SUPT5H: variants seen among roughly 807,000 people sequenced by gnomAD.
The protein encoded by SUPT5H is transcription elongation factor SPT5.
SUPT5H carries 24 observed loss-of-function variants against 142.5 expected under a neutral mutation model. That is an observed-to-expected ratio of 0.17 (90% confidence interval 0.12 to 0.24). The LOEUF (loss-of-function observed/expected upper bound fraction) is 0.24. Ranked by LOEUF, SUPT5H falls within the 10% of genes least tolerant of loss-of-function variation. The probability of loss-of-function intolerance (pLI) is 1.00; values close to 1 mark genes in which losing one functional copy is unlikely to be tolerated. For missense variants in SUPT5H, 893 were observed against 1,471.8 expected (o/e 0.61, Z 6.43); for synonymous variants, 546 against 553.0 (o/e 0.99, Z 0.18).
At position 39,449,447 on chromosome 19, in the gene SUPT5H, T is replaced by G. The variant is rs555688613; in HGVS notation, c.75+3482T>G. 6.6e-5 allele frequency among the ~76,000 whole-genome samples: 10 copies of G among 152,280 alleles called. 1 individual carries two copies. In the South Asian group the frequency reaches 2.1e-3, roughly 32 times the overall value. On this transcript the variant is annotated intron_variant, in intron 2 of 29. Coordinates refer to ENST00000432763, the MANE Select transcript of SUPT5H (RefSeq NM_001111020.3). ...GTGTTAAGCAAATATTTCTGAAGTCTTCTGTGCTTGGCCTTGGGCTGGGTG... is the reference window on the plus strand; with the variant it reads ...GTGTTAAGCAAATATTTCTGAAGTCGTCTGTGCTTGGCCTTGGGCTGGGTG...
intron 10 of SUPT5H, among the ~76,000 whole-genome samples, chr19:39,464,415 A>G (rs1186837674): frequency 2.0e-5 from 3 of 151,890 alleles, no homozygotes; most frequent in Admixed American, 2.0e-4. Context: ...GCTGGAGTGC[A>G]GTGGTGCGAT....
At chr19:39,446,126 A>G (rs996591447) in intron 2 of SUPT5H, among the ~76,000 whole-genome samples, 161 bp downstream of exon 2, 4 of 152,196 alleles carry the variant, frequency 2.6e-5, no homozygotes, top group African/African-American at 4.8e-5. Flanking sequence ...AAGTCAAGCA[A>G]AGGGACAGGT....
intron 8 of SUPT5H, 114 bp from the exon 9 acceptor site, chr19:39,459,445 A>T: frequency 7.0e-7 from 1 of 1,426,658 alleles, no homozygotes; most frequent in Non-Finnish European, 9.8e-7. Flanking sequence ...GAAGTCAGTG[A>T]GTGTGAGGGA....
rs532131934 is a variant in SUPT5H at position 39,476,423 on chromosome 19, G to A, written c.*24G>A. ...GAAGCAGGCAGGGCCGGTGGACTTC[G>A]TCGGATGAAGAGTGATCCTCCTTCC... is the stretch of plus-strand genomic sequence containing the variant. On this transcript the variant is annotated 3_prime_UTR_variant, in exon 30 of 30. Transcript: ENST00000432763. 10 of 1,613,200 alleles carry A rather than the reference G, an allele frequency of 6.2e-6. No individual in the cohort carries two copies. In the East Asian group the frequency reaches 1.1e-4, roughly 18 times the overall value.
At chr19:39,449,076 C>G (rs201187351) in intron 2 of SUPT5H, among the ~76,000 whole-genome samples, 1 of 104,438 alleles carries the variant, frequency 9.6e-6, no homozygotes, top group African/African-American at 3.3e-5. Flanking sequence ...GGAGACAGAG[C>G]GAGACTGCAT....
intron 3 of SUPT5H, among the ~76,000 whole-genome samples, chr19:39,455,968 C>T (rs1489657269): frequency 1.4e-5 from 2 of 148,032 alleles, no homozygotes; most frequent in Admixed American, 6.8e-5. Context: ...TTTCTCTTGC[C>T]CACCCTGGAG....
chr19:39,473,354 AAG>A lies in SUPT5H; in HGVS notation c.2386+27_2386+28del, dbSNP rs575809199. On this transcript the variant is annotated intron_variant, in intron 24 of 29. Coordinates refer to ENST00000432763, the MANE Select transcript of SUPT5H (RefSeq NM_001111020.3). The surrounding 1 kb of genome is among the most constrained non-coding windows in gnomAD (Gnocchi z 5.8). The stretch of plus-strand genomic sequence containing the variant: ...TGGTGAGTGCCCGCAGGGGACAGGG[AAG>A]AGGGGCTAGGGGGACCTAGAGAAGG... The A allele has an allele frequency of 6.2e-7, 1 of 1,613,482 alleles. No homozygotes were observed. The highest frequency in any genetic ancestry group is 1.7e-4 in the Middle Eastern group (1 of 6,058).
rs2079327581 is a variant in SUPT5H at position 39,472,001 on chromosome 19, C to G, written c.1950+271C>G. 3.8e-6 allele frequency: 2 copies of G among 522,598 alleles called. No homozygotes were observed. The highest frequency in any genetic ancestry group is 6.7e-6 in the Non-Finnish European group (2 of 298,120). 32.4% of individuals were successfully genotyped at this position (522,598 alleles called of 1,614,324 possible). On this transcript the variant is annotated intron_variant, in intron 20 of 29. Transcript: ENST00000432763. The surrounding 1 kb of genome is among the most constrained non-coding windows in gnomAD (Gnocchi z 4.2). ...GTGAACAAGACAAAAATACTCTGCT[C>G]TCACAGAGCTGATACTCTAGAGGTG...
At chr19:39,459,781 T>A in intron 9 of SUPT5H, 111 bp from the exon 10 acceptor site, 2 of 1,339,786 alleles carry the variant, frequency 1.5e-6, no homozygotes, top group Non-Finnish European at 2.1e-6. Flanking sequence ...TCCTTCTTTC[T>A]CTCTCCTCTC....
Position 39,473,542 on chromosome 19 carries a change from G to A in SUPT5H, c.2492+21G>A, listed in dbSNP as rs1184659958. The A allele has an allele frequency of 6.2e-7, 1 of 1,602,296 alleles. No individual in the cohort carries two copies. Among genetic ancestry groups the A allele is most frequent in the Non-Finnish European group, 8.5e-7 (1 of 1,177,882 alleles). On this transcript the variant is annotated intron_variant, in intron 25 of 29. Transcript: ENST00000432763. This position sits in a 1 kb window ranked among gnomAD's most constrained non-coding sequence, Gnocchi z 5.8. ...TCACGGTGAGTCCAGGGTTCCCCAG[G>A]TTCTGGTGTGTGCTGGTGTGTGTGA...
chr19:39,449,681 A>T (rs1192564102), intron 2 of SUPT5H, among the ~76,000 whole-genome samples: 1 of 150,266 alleles, frequency 6.7e-6, no homozygotes, highest in African/African-American at 2.5e-5. Context: ...TTGCTCTGTC[A>T]CCCAGGCTGG....
rs1190781480 is a variant in SUPT5H, at chr19:39,472,810, G to C, written c.2036G>C (p.Gly679Ala). 6.2e-7 allele frequency: 1 copy of C among 1,611,914 alleles called. No individual in the cohort carries two copies. The highest frequency in any genetic ancestry group is 2.2e-5 in the East Asian group (1 of 44,878). Residue 679 changes from glycine (G) to alanine (A), a missense_variant and splice_region_variant, in exon 22 of 30, where the codon GGT becomes GCT. Transcript: ENST00000432763. This position sits in a 1 kb window ranked among gnomAD's most constrained non-coding sequence, Gnocchi z 4.2. Reference protein sequence around the residue: ...ISSPMHPSAGGQRGGFGSPGG... With the variant: ...ISSPMHPSAGAQRGGFGSPGG... Reference sequence around the variant, plus strand: ...CAGTGACATTCTCCCCAATCCCCAGGTCAGCGTGGCGGCTTTGGTAGCCCA... The same window carrying C: ...CAGTGACATTCTCCCCAATCCCCAGCTCAGCGTGGCGGCTTTGGTAGCCCA...
chr19:39,472,619 C>T lies in SUPT5H; in HGVS notation c.2035+126C>T. ...ACTGCTATTAGGGGTTCACCACCCA[C>T]AGGAGGGTAGACGCCACAGTGACAG... On this transcript the variant is annotated intron_variant, in intron 21 of 29. Transcript: ENST00000432763. This position sits in a 1 kb window ranked among gnomAD's most constrained non-coding sequence, Gnocchi z 4.2. The T allele has an allele frequency of 2.9e-6, 4 of 1,379,382 alleles. No individual in the cohort carries two copies. The highest frequency in any genetic ancestry group is 4.0e-6 in the Non-Finnish European group (4 of 1,009,798). 85.4% of individuals were successfully genotyped at this position (1,379,382 alleles called of 1,614,324 possible). A position where few individuals can be genotyped will look rare whatever the true frequency, so the allele number is the denominator to read the frequency against.
chr19:39,472,662 T>C lies in SUPT5H; in HGVS notation c.2036-148T>C. On this transcript the variant is annotated intron_variant, in intron 21 of 29. Coordinates refer to ENST00000432763, the MANE Select transcript of SUPT5H (RefSeq NM_001111020.3). The surrounding 1 kb of genome is among the most constrained non-coding windows in gnomAD (Gnocchi z 4.2). ...AGTGACAGCCCAGAATGGTCAGGGCTTCCATAGGAAAGCCATGGGGCAGGG... is the reference window on the plus strand; with the variant it reads ...AGTGACAGCCCAGAATGGTCAGGGCCTCCATAGGAAAGCCATGGGGCAGGG... The C allele has an allele frequency of 7.0e-7, 1 of 1,420,166 alleles. No homozygotes were observed. Among genetic ancestry groups the C allele is most frequent in the South Asian group, 1.4e-5 (1 of 72,544 alleles). 88.0% of individuals were successfully genotyped at this position (1,420,166 alleles called of 1,614,324 possible).
Position 39,458,226 on chromosome 19 carries a change from C to A in SUPT5H, c.308-68C>A. On this transcript the variant is annotated intron_variant, in intron 4 of 29. Coordinates refer to ENST00000432763, the MANE Select transcript of SUPT5H (RefSeq NM_001111020.3). The surrounding 1 kb of genome is among the most constrained non-coding windows in gnomAD (Gnocchi z 4.2). ...ATAATTTGGCTCATACTTTGTCTGC[C>A]CTCGCCCACCACCACCACCACCACC... The A allele has an allele frequency of 6.5e-7, 1 of 1,542,434 alleles. No homozygotes were observed. Among genetic ancestry groups the A allele is most frequent in the Admixed American group, 1.8e-5 (1 of 54,260 alleles).
At chr19:39,451,693 G>T (rs1478004610) in intron 2 of SUPT5H, among the ~76,000 whole-genome samples, 1 of 151,918 alleles carries the variant, frequency 6.6e-6, no homozygotes, top group Non-Finnish European at 1.5e-5. Context: ...CACCGTGCTG[G>T]GCTAGCTTTT....
At position 39,466,388 on chromosome 19, in the gene SUPT5H, C is replaced by T. The variant is rs2079236131; in HGVS notation, c.877-92C>T. The T allele has an allele frequency of 7.4e-6, 9 of 1,210,020 alleles. No individual in the cohort carries two copies. Among genetic ancestry groups the T allele is most frequent in the Non-Finnish European group, 1.1e-5 (9 of 823,120 alleles). 75.0% of individuals were successfully genotyped at this position (1,210,020 alleles called of 1,614,324 possible). A position where few individuals can be genotyped will look rare whatever the true frequency, so the allele number is the denominator to read the frequency against. ...TGGTTTCTTCCCCACCATCCTGCGT[C>T]CCTTCTCCTTCCTAGCATCTCCTGA... On this transcript the variant is annotated intron_variant, in intron 11 of 29. Transcript: ENST00000432763. This position sits in a 1 kb window ranked among gnomAD's most constrained non-coding sequence, Gnocchi z 4.3.
Position 39,472,398 on chromosome 19 carries a change from T to C in SUPT5H, c.1951-11T>C, listed in dbSNP as rs1295349439. ...CCCTGCCTGCCAGTTCACTCCTTGC[T>C]TCTATCCTAGCCCCGTGATGTGACC... On this transcript the variant is annotated splice_polypyrimidine_tract_variant and intron_variant, in intron 20 of 29. Transcript: ENST00000432763. This position sits in a 1 kb window ranked among gnomAD's most constrained non-coding sequence, Gnocchi z 4.2. 6.2e-7 allele frequency: 1 copy of C among 1,613,912 alleles called. No individual in the cohort carries two copies. Among genetic ancestry groups the C allele is most frequent in the Non-Finnish European group, 8.5e-7 (1 of 1,179,858 alleles).
rs1015888512 is a variant in SUPT5H at position 39,476,100 on chromosome 19, A to T, written c.3044A>T (p.Tyr1015Phe). 6.2e-7 allele frequency: 1 copy of T among 1,614,072 alleles called. No homozygotes were observed. The highest frequency in any genetic ancestry group is 8.5e-7 in the Non-Finnish European group (1 of 1,180,012). The change falls in exon 29 of 30, where the codon TAC becomes TTC. Residue 1015 changes from tyrosine (Y) to phenylalanine (F), a missense_variant. Tyr to Phe is a conservative substitution (Grantham distance 22). This residue lies in a region of SUPT5H where 336 missense variants were observed against 546.5 expected (regional missense o/e 0.61). Transcript: ENST00000432763. ...CTCCAGGGGGGCATGTGCTCTGTGTACCTGAAGGACAGTGAGAAGGTTGTC... is the reference window on the plus strand; with the variant it reads ...CTCCAGGGGGGCATGTGCTCTGTGTTCCTGAAGGACAGTGAGAAGGTTGTC... Reference protein sequence around the residue: ...RSVTGGMCSVYLKDSEKVVSI... With the variant: ...RSVTGGMCSVFLKDSEKVVSI...
Sources: gnomAD v4.1 joint callset for allele counts (sites outside exome capture counted in the v4.1 genomes callset) on GRCh38, gnomAD v4.1.1 for gene constraint, gnomAD v4.1.1 regional missense constraint, Gnocchi (gnomAD v3.1) non-coding constraint, MANE v1.5 for transcripts, NCBI Gene and HGNC (gene_info 2026-07-23, HGNC 2026-07-21) for gene names.